Variants in NCALD observed in about 807,000 individuals in gnomAD.
The protein encoded by NCALD is neurocalcin-delta.
Under a neutral mutation model 18.6 loss-of-function variants are expected in NCALD, and 10 were observed. The observed-to-expected ratio is 0.54, with a 90% confidence interval of 0.33 to 0.91. NCALD has a LOEUF of 0.91. Ranked by LOEUF, NCALD falls within the 40% of genes least tolerant of loss-of-function variation. The probability of loss-of-function intolerance (pLI) is 0.03; values close to 1 mark genes in which losing one functional copy is unlikely to be tolerated. For missense variants in NCALD, 184 were observed against 247.6 expected (o/e 0.74, Z 1.72); for synonymous variants, 88 against 87.4 (o/e 1.01, Z -0.04).
At chr8:101,808,520 T>C (rs1203606048) in intron 4 of NCALD, among the ~76,000 whole-genome samples, 4 of 152,202 alleles carry the variant, frequency 2.6e-5, no homozygotes, top group Non-Finnish European at 4.4e-5. Context: ...AGCTTGTTAA[T>C]AGCTGCAAAG....
At chr8:101,987,956 C>T (rs1258787442) in intron 2 of NCALD, among the ~76,000 whole-genome samples, 24 of 152,088 alleles carry the variant, frequency 1.6e-4, no homozygotes, top group Admixed American at 1.6e-3. Context: ...AGATCGAGAC[C>T]ATCTTGGCTA....
intron 2 of NCALD, among the ~76,000 whole-genome samples, chr8:102,019,733 T>C (rs2132096771): frequency 6.6e-6 from 1 of 152,290 alleles, no homozygotes; most frequent in Non-Finnish European, 1.5e-5. Context: ...CATTACGAAG[T>C]TGGTTTTATC....
intron 4 of NCALD, among the ~76,000 whole-genome samples, chr8:101,855,422 A>G (rs1160158083): frequency 6.6e-6 from 1 of 152,136 alleles, no homozygotes; most frequent in Middle Eastern, 3.2e-3. Context: ...GCACATCTAA[A>G]TGAGCAACTC....
intron 2 of NCALD, among the ~76,000 whole-genome samples, chr8:101,718,896 T>A (rs1359685572): frequency 6.6e-6 from 1 of 152,090 alleles, no homozygotes; most frequent in Non-Finnish European, 1.5e-5. Context: ...TACTTAAGAG[T>A]CTTCATCTGT....
At chr8:102,091,115 GGGCTT>G (rs1824910493) in intron 1 of NCALD, among the ~76,000 whole-genome samples, 1 of 152,086 alleles carries the variant, frequency 6.6e-6, no homozygotes. Context: ...ACCCACAGCT[GGGCTT>G]GGCTTTAAAA....
At chr8:101,958,876 T>A (rs932009356) in intron 2 of NCALD, among the ~76,000 whole-genome samples, 1 of 152,146 alleles carries the variant, frequency 6.6e-6, no homozygotes, top group African/African-American at 2.4e-5. Flanking sequence ...TGGAAACAAT[T>A]CCAAATATAC....
intron 1 of NCALD, among the ~76,000 whole-genome samples, chr8:101,765,453 A>T (rs1021419667): frequency 6.6e-6 from 1 of 152,194 alleles, no homozygotes; most frequent in Non-Finnish European, 1.5e-5. Context: ...TGTGCAAAAA[A>T]CATCAGATTA....
At chr8:101,966,112 A>G (rs1344892727) in intron 2 of NCALD, among the ~76,000 whole-genome samples, 1 of 152,144 alleles carries the variant, frequency 6.6e-6, no homozygotes, top group Non-Finnish European at 1.5e-5. Flanking sequence ...AAAAAAAAGA[A>G]CATTATTAGA....
intron 3 of NCALD, among the ~76,000 whole-genome samples, chr8:101,896,685 C>T (rs1029539315): frequency 1.3e-5 from 2 of 150,158 alleles, no homozygotes; most frequent in African/African-American, 2.5e-5. Context: ...AACAAACAAC[C>T]CCATCAAAAA....
At chr8:102,018,223 T>G (rs559702394) in intron 2 of NCALD, among the ~76,000 whole-genome samples, 2 of 152,288 alleles carry the variant, frequency 1.3e-5, no homozygotes, top group African/African-American at 4.8e-5. Context: ...TTCCATATGA[T>G]ACAATAATCC....
At chr8:101,957,206 T>C (rs1314173859) in intron 2 of NCALD, among the ~76,000 whole-genome samples, 1 of 150,218 alleles carries the variant, frequency 6.7e-6, no homozygotes, top group Non-Finnish European at 1.5e-5. Flanking sequence ...CTATTTAGAG[T>C]AATGTTAGCA....
At chr8:101,896,564 C>G (rs1817182466) in intron 3 of NCALD, among the ~76,000 whole-genome samples, 1 of 151,888 alleles carries the variant, frequency 6.6e-6, no homozygotes, top group South Asian at 2.1e-4. Flanking sequence ...AAACTACCAT[C>G]AGAGTAAACA....
At chr8:101,829,705 T>C (rs1814089569) in intron 4 of NCALD, among the ~76,000 whole-genome samples, 1 of 152,198 alleles carries the variant, frequency 6.6e-6, no homozygotes, top group African/African-American at 2.4e-5. Flanking sequence ...TTTTAGGTTC[T>C]GAATTACTGA....
chr8:101,818,348 A>G (rs1296839590), intron 4 of NCALD, among the ~76,000 whole-genome samples: 1 of 152,138 alleles, frequency 6.6e-6, no homozygotes, highest in African/African-American at 2.4e-5. Context: ...ACCTCACTTG[A>G]TCTTCACGCT....
At chr8:101,866,733 C>A (rs1815785777) in intron 4 of NCALD, among the ~76,000 whole-genome samples, 2 of 152,138 alleles carry the variant, frequency 1.3e-5, no homozygotes, top group South Asian at 4.1e-4. Context: ...CTTCTCATTA[C>A]CACCATTTCT....
intron 1 of NCALD, among the ~76,000 whole-genome samples, chr8:102,022,618 A>AC (rs1294239339): frequency 2.0e-5 from 3 of 152,178 alleles, no homozygotes; most frequent in African/African-American, 7.2e-5. Flanking sequence ...AGTGTCCACT[A>AC]CCTTACAGAA....
chr8:101,999,816 G>T (rs564656197), intron 2 of NCALD, among the ~76,000 whole-genome samples: 1 of 152,116 alleles, frequency 6.6e-6, no homozygotes, highest in East Asian at 1.9e-4. Context: ...ACATTTTTCT[G>T]AATCTTTTTC....
At chr8:101,750,106 G>C (rs1466036033) in intron 1 of NCALD, 1 of 152,184 alleles carries the variant, frequency 6.6e-6, no homozygotes, top group Non-Finnish European at 1.5e-5. Context: ...GAGAAGTGCT[G>C]AGCAAAAGGG....
At chr8:101,988,464 G>A (rs1279048757) in intron 2 of NCALD, among the ~76,000 whole-genome samples, 1 of 152,264 alleles carries the variant, frequency 6.6e-6, no homozygotes, top group Middle Eastern at 3.4e-3. Context: ...AAACTTACTT[G>A]AAACATTATC....
Sources: allele counts gnomAD v4.1 joint callset (sites outside exome capture counted in the v4.1 genomes callset), GRCh38; gene constraint gnomAD v4.1.1; transcripts MANE v1.5; gene names NCBI Gene and HGNC (gene_info 2026-07-23, HGNC 2026-07-21).